Variants in AMPH observed in about 807,000 individuals in gnomAD.
AMPH encodes amphiphysin (Stiff-Mann syndrome with breast cancer 128kD autoantigen).
In AMPH, 49 loss-of-function variants were observed where a neutral mutation model predicts 99.1. That is an observed-to-expected ratio of 0.49 (90% confidence interval 0.39 to 0.63). The LOEUF is 0.63. Among genes scored for constraint, AMPH ranks in the 20% least tolerant of loss-of-function variants. The probability of loss-of-function intolerance (pLI) is 0.00; values close to 1 mark genes in which losing one functional copy is unlikely to be tolerated. For missense variants in AMPH, 759 were observed against 863.4 expected (o/e 0.88, Z 1.52); for synonymous variants, 314 against 317.3 (o/e 0.99, Z 0.11).
At chr7:38,508,851 G>A (rs986749330) in intron 2 of AMPH, among the ~76,000 whole-genome samples, 1 of 152,188 alleles carries the variant, frequency 6.6e-6, no homozygotes, top group African/African-American at 2.4e-5. Flanking sequence ...TTGAAGCTTA[G>A]AAGAAAATTA....
chr7:38,490,226 T>C lies in AMPH; in HGVS notation c.396+824A>G, dbSNP rs557272648. Among the ~76,000 whole-genome samples the C allele has an allele frequency of 5.3e-5, 8 of 152,296 alleles. No homozygotes were observed. In the South Asian group the frequency reaches 1.4e-3, roughly 28 times the overall value. On this transcript the variant is annotated intron_variant, in intron 5 of 20. Coordinates refer to ENST00000356264, the MANE Select transcript of AMPH (RefSeq NM_001635.4). ...ACCCAATTCACACCTGTTAATTAGG[T>C]TGCATTTGCCCAACTACTTAGTAAA...
chr7:38,457,616 T>A (rs187751135), intron 11 of AMPH, among the ~76,000 whole-genome samples: 8 of 152,148 alleles, frequency 5.3e-5, no homozygotes, highest in African/African-American at 1.9e-4. Context: ...AGAGAACAAA[T>A]GGGCTAGAAA....
chr7:38,439,910 C>T (rs1417072594), intron 11 of AMPH, among the ~76,000 whole-genome samples: 3 of 152,216 alleles, frequency 2.0e-5, no homozygotes, highest in Middle Eastern at 3.4e-3. Context: ...GCCACGGCTT[C>T]GTGATAGATG....
chr7:38,520,488 G>C (rs570639776), intron 2 of AMPH, among the ~76,000 whole-genome samples: 2 of 152,284 alleles, frequency 1.3e-5, no homozygotes, highest in African/African-American at 4.8e-5. Flanking sequence ...TACTTATTAG[G>C]CACCTAGCAA....
intron 3 of AMPH, among the ~76,000 whole-genome samples, chr7:38,495,165 C>G (rs191551564): frequency 6.6e-6 from 1 of 152,022 alleles, no homozygotes; most frequent in African/African-American, 2.4e-5. Flanking sequence ...TTAATTGATA[C>G]GATGAATAAT....
intron 15 of AMPH, among the ~76,000 whole-genome samples, chr7:38,426,320 G>A (rs1464289922): frequency 1.3e-5 from 2 of 152,052 alleles, no homozygotes; most frequent in Admixed American, 6.6e-5. Context: ...CTACCTGTTG[G>A]GACATACACA....
At chr7:38,485,991 C>T (rs1008506425) in intron 5 of AMPH, among the ~76,000 whole-genome samples, 3 of 151,674 alleles carry the variant, frequency 2.0e-5, no homozygotes, top group Non-Finnish European at 3.0e-5. Flanking sequence ...TAAACGCATA[C>T]ATTAAAAGGA....
intron 2 of AMPH, among the ~76,000 whole-genome samples, chr7:38,533,068 G>A (rs1199062560): frequency 6.6e-6 from 1 of 152,196 alleles, no homozygotes; most frequent in East Asian, 1.9e-4. Context: ...GGGCACTGAT[G>A]GACAAGTTTG....
chr7:38,517,961 G>A (rs1297520546), intron 2 of AMPH, among the ~76,000 whole-genome samples: 1 of 152,142 alleles, frequency 6.6e-6, no homozygotes, highest in Non-Finnish European at 1.5e-5. Flanking sequence ...CTCTAGAAGG[G>A]CTGAACAGTT....
intron 1 of AMPH, among the ~76,000 whole-genome samples, chr7:38,599,782 T>TTAAA (rs58021429): frequency 0.61 from 91,923 of 150,674 alleles, 28,289 homozygotes; most frequent in Non-Finnish European, 0.64. Flanking sequence ...ATCATTAATA[T>TTAAA]TAAATTTGAA....
chr7:38,608,173 T>C (rs989291102), intron 1 of AMPH, among the ~76,000 whole-genome samples: 2 of 152,094 alleles, frequency 1.3e-5, no homozygotes, highest in Non-Finnish European at 2.9e-5. Flanking sequence ...TTAGAACCCC[T>C]GTAAGAGCAC....
At chr7:38,583,690 C>T (rs1477968750) in intron 1 of AMPH, among the ~76,000 whole-genome samples, 1 of 152,206 alleles carries the variant, frequency 6.6e-6, no homozygotes, top group Non-Finnish European at 1.5e-5. Context: ...GAGCCCCTGC[C>T]CCCAGGGAAG....
intron 11 of AMPH, 93 bp downstream of exon 11, chr7:38,461,190 T>C: frequency 6.9e-7 from 1 of 1,455,432 alleles, no homozygotes; most frequent in Non-Finnish European, 9.5e-7. Flanking sequence ...ATGTTGTTGG[T>C]TCTGGAACCG....
intron 14 of AMPH, chr7:38,429,531 T>G: frequency 7.2e-7 from 1 of 1,392,534 alleles, no homozygotes; most frequent in Non-Finnish European, 9.5e-7. Flanking sequence ...GTCTGGAGTT[T>G]CCTCCATGAT....
At chr7:38,558,081 A>C (rs1305068852) in intron 1 of AMPH, among the ~76,000 whole-genome samples, 1 of 152,180 alleles carries the variant, frequency 6.6e-6, no homozygotes, top group Admixed American at 6.6e-5. Flanking sequence ...TGAAACATTT[A>C]AGAGGTAAAA....
At chr7:38,410,810 A>C (rs1785194013) in intron 17 of AMPH, among the ~76,000 whole-genome samples, 1 of 152,166 alleles carries the variant, frequency 6.6e-6, no homozygotes, top group Admixed American at 6.5e-5. Flanking sequence ...GCCAAAGTGG[A>C]GGATTAGGAC....
At chr7:38,496,156 G>A (rs185025072) in intron 3 of AMPH, among the ~76,000 whole-genome samples, 202 of 152,334 alleles carry the variant, frequency 1.3e-3, no homozygotes, top group African/African-American at 4.4e-3. Context: ...CTTAAGGTCA[G>A]TGAATCCTAA....
At chr7:38,564,064 G>A (rs1791645615) in intron 1 of AMPH, among the ~76,000 whole-genome samples, 1 of 152,156 alleles carries the variant, frequency 6.6e-6, no homozygotes, top group South Asian at 2.1e-4. Context: ...ATTCTTTAGG[G>A]TTATTCTCCT....
intron 1 of AMPH, among the ~76,000 whole-genome samples, chr7:38,586,615 G>A (rs1044146282): frequency 6.6e-6 from 1 of 152,118 alleles, no homozygotes; most frequent in Non-Finnish European, 1.5e-5. Flanking sequence ...ATGGAAGGAG[G>A]GGTCTAGAGC....
Sources: allele counts gnomAD v4.1 joint callset (sites outside exome capture counted in the v4.1 genomes callset), GRCh38; gene constraint gnomAD v4.1.1; transcripts MANE v1.5; gene names NCBI Gene and HGNC (gene_info 2026-07-23, HGNC 2026-07-21).